The following GABBR2 variants were observed in gnomAD, a reference collection of about 807,000 sequenced individuals.
GABBR2 encodes the protein G-protein coupled receptor 51.
A neutral mutation model predicts 105.6 loss-of-function variants in GABBR2; 23 were observed. The ratio of observed to expected loss-of-function variants is 0.22; its 90% CI spans 0.16 to 0.31. The LOEUF is 0.31. Among genes scored for constraint, GABBR2 ranks in the 10% least tolerant of loss-of-function variants. The pLI is 1.00. For missense variants in GABBR2, 734 were observed against 1,245.5 expected (o/e 0.59, Z 6.18); for synonymous variants, 478 against 499.7 (o/e 0.96, Z 0.58).
At chr9:98,374,625 C>G (rs1020956486) in intron 11 of GABBR2, among the ~76,000 whole-genome samples, 8 of 152,200 alleles carry the variant, frequency 5.3e-5, no homozygotes, top group African/African-American at 9.7e-5. Flanking sequence ...CATCCTCCGA[C>G]TAAAAACCCT....
intron 16 of GABBR2, among the ~76,000 whole-genome samples, chr9:98,300,209 C>T (rs1374985693): frequency 6.6e-6 from 1 of 151,966 alleles, no homozygotes; most frequent in African/African-American, 2.4e-5. Flanking sequence ...CAGTGGAGGA[C>T]AGACATGCAG....
intron 2 of GABBR2, among the ~76,000 whole-genome samples, chr9:98,565,130 G>C (rs1054135859): frequency 6.6e-6 from 1 of 152,166 alleles, no homozygotes; most frequent in Non-Finnish European, 1.5e-5. Context: ...CCTACCTGAG[G>C]TATGACTTTA....
intron 13 of GABBR2, among the ~76,000 whole-genome samples, chr9:98,354,351 C>G (rs888653397): frequency 4.6e-5 from 7 of 152,234 alleles, no homozygotes; most frequent in African/African-American, 1.7e-4. Flanking sequence ...TAGCTCTTAA[C>G]AAGAGAGTCA....
At chr9:98,684,007 CAAAAAAAAAAAAAAAAAAA>C (rs367642589) in intron 1 of GABBR2, among the ~76,000 whole-genome samples, 1 of 105,932 alleles carries the variant, frequency 9.4e-6, no homozygotes, top group Non-Finnish European at 1.9e-5. Context: ...GACTCCATCT[CAAAAAAAAAAAAAAAAAAA>C]AAAAAAAAAA....
chr9:98,513,666 T>G (rs1827699906), intron 3 of GABBR2, among the ~76,000 whole-genome samples: 1 of 152,122 alleles, frequency 6.6e-6, no homozygotes, highest in Non-Finnish European at 1.5e-5. Context: ...ATGCTCATCA[T>G]CACTGGCCAT....
intron 2 of GABBR2, among the ~76,000 whole-genome samples, chr9:98,553,013 T>TTA (rs141780519): frequency 5.3e-5 from 8 of 152,076 alleles, no homozygotes; most frequent in Non-Finnish European, 7.4e-5. Flanking sequence ...GTAGCTGGGA[T>TTA]TATACCCACG....
At chr9:98,421,428 A>G (rs1832781032) in intron 7 of GABBR2, among the ~76,000 whole-genome samples, 1 of 152,210 alleles carries the variant, frequency 6.6e-6, no homozygotes, top group Non-Finnish European at 1.5e-5. Flanking sequence ...AAGGAACTGT[A>G]CTCATTCAGG....
chr9:98,576,462 G>C (rs573123688), intron 2 of GABBR2, among the ~76,000 whole-genome samples: 1 of 152,278 alleles, frequency 6.6e-6, no homozygotes, highest in South Asian at 2.1e-4. Flanking sequence ...CCCCAAGGCA[G>C]TCACTATATA....
chr9:98,592,007 C>G (rs991534564), intron 1 of GABBR2, among the ~76,000 whole-genome samples: 1 of 152,196 alleles, frequency 6.6e-6, no homozygotes, highest in Non-Finnish European at 1.5e-5. Flanking sequence ...CTCTCTCAAG[C>G]AAGGGGGGCA....
chr9:98,426,823 G>A (rs1825702395), intron 7 of GABBR2, among the ~76,000 whole-genome samples: 3 of 152,270 alleles, frequency 2.0e-5, no homozygotes, highest in Admixed American at 1.3e-4. Flanking sequence ...CTAACATGGT[G>A]AAACTCAGTC....
intron 7 of GABBR2, among the ~76,000 whole-genome samples, chr9:98,435,352 T>A (rs1825884278): frequency 6.6e-6 from 1 of 152,190 alleles, no homozygotes; most frequent in African/African-American, 2.4e-5. Context: ...TGGAAAGTAA[T>A]TGCATTAGGA....
intron 13 of GABBR2, among the ~76,000 whole-genome samples, chr9:98,342,165 G>A (rs1831225100): frequency 6.6e-6 from 1 of 152,120 alleles, no homozygotes; most frequent in Admixed American, 6.5e-5. Flanking sequence ...GGCAGCCCAT[G>A]TGGTCCACAG....
chr9:98,622,991 C>A (rs898484261), intron 1 of GABBR2, among the ~76,000 whole-genome samples: 14 of 152,172 alleles, frequency 9.2e-5, no homozygotes, highest in Admixed American at 7.2e-4. Context: ...TCGACTGGAA[C>A]AAATGGACCA....
At chr9:98,505,784 G>C (rs1461882978) in intron 3 of GABBR2, among the ~76,000 whole-genome samples, 1 of 152,204 alleles carries the variant, frequency 6.6e-6, no homozygotes, top group Non-Finnish European at 1.5e-5. Flanking sequence ...CAGAAGCTGG[G>C]AGATGCAGGC....
At chr9:98,385,194 G>T (rs1210269921) in intron 11 of GABBR2, among the ~76,000 whole-genome samples, 1 of 152,050 alleles carries the variant, frequency 6.6e-6, no homozygotes, top group Non-Finnish European at 1.5e-5. Context: ...TCTAACAGTG[G>T]CCTGGTAAGT....
In GABBR2 at chr9:98,652,642, A is replaced by G. The variant is rs144267134; in HGVS notation, c.321+55775T>C. Among the ~76,000 whole-genome samples, 340 of 152,308 alleles carry G rather than the reference A, an allele frequency of 2.2e-3. 3 individuals carry two copies. Among genetic ancestry groups the G allele is most frequent in the Non-Finnish European group, 2.9e-3 (199 of 68,012 alleles). On this transcript the variant is annotated intron_variant, in intron 1 of 18. Transcript: ENST00000259455. Reference sequence around the variant, plus strand: ...AAAGTGAGGCTAGAGCCCATTTCTGATAAGTCTTCCTCAAGTAGGCTAAAG... The same window carrying G: ...AAAGTGAGGCTAGAGCCCATTTCTGGTAAGTCTTCCTCAAGTAGGCTAAAG...
intron 1 of GABBR2, among the ~76,000 whole-genome samples, chr9:98,646,281 G>A (rs1396806584): frequency 2.0e-5 from 3 of 152,168 alleles, no homozygotes; most frequent in Non-Finnish European, 2.9e-5. Context: ...GTTAAGCAGA[G>A]GGTGCCTACA....
intron 3 of GABBR2, among the ~76,000 whole-genome samples, chr9:98,503,910 C>T (rs895341331): frequency 2.6e-5 from 4 of 152,176 alleles, no homozygotes; most frequent in African/African-American, 7.2e-5. Flanking sequence ...AGGACCCAGG[C>T]ATCTGTATTT....
intron 3 of GABBR2, among the ~76,000 whole-genome samples, chr9:98,528,403 T>G (rs1828002465): frequency 6.6e-6 from 1 of 151,984 alleles, no homozygotes; most frequent in Non-Finnish European, 1.5e-5. Flanking sequence ...TTTACAAAAA[T>G]TTTGGAGATG....
Sources: allele counts gnomAD v4.1 joint callset (sites outside exome capture counted in the v4.1 genomes callset), GRCh38; gene constraint gnomAD v4.1.1; transcripts MANE v1.5; gene names NCBI Gene and HGNC (gene_info 2026-07-23, HGNC 2026-07-21).